Variants in BCAR3 observed in about 807,000 individuals in gnomAD.
BCAR3 encodes the protein breast cancer anti-estrogen resistance protein 3.
In BCAR3, 37 loss-of-function variants were observed where a neutral mutation model predicts 80.1. The observed-to-expected ratio is 0.46, with a 90% CI of 0.36 to 0.61. The LOEUF is 0.61. Among genes scored for constraint, BCAR3 ranks in the 20% least tolerant of loss-of-function variants. The probability of loss-of-function intolerance (pLI) is 0.00; values close to 1 mark genes in which losing one functional copy is unlikely to be tolerated. For synonymous variants in BCAR3, 389 were observed against 418.9 expected (o/e 0.93, Z 0.87); for missense variants, 978 against 1,068.2 (o/e 0.92, Z 1.18).
chr1:93,841,152 C>G (rs1041254267), intron 2 of BCAR3, among the ~76,000 whole-genome samples: 11 of 152,304 alleles, frequency 7.2e-5, no homozygotes, highest in African/African-American at 2.6e-4. Context: ...CTGCTCAACC[C>G]CAGGCTCCTT....
intron 2 of BCAR3, among the ~76,000 whole-genome samples, chr1:93,672,419 T>A (rs1252839627): frequency 6.6e-6 from 1 of 152,042 alleles, no homozygotes; most frequent in African/African-American, 2.4e-5. Flanking sequence ...ACTGTCTGTG[T>A]CTAGTACATG....
chr1:93,688,764 G>A (rs979166289), intron 3 of BCAR3, among the ~76,000 whole-genome samples: 37 of 141,888 alleles, frequency 2.6e-4, no homozygotes, highest in African/African-American at 1.0e-3. Flanking sequence ...CCTGGCTAAG[G>A]TTTTTTTGTT....
At chr1:93,657,020 G>C (rs1328784118) in intron 2 of BCAR3, among the ~76,000 whole-genome samples, 1 of 152,128 alleles carries the variant, frequency 6.6e-6, no homozygotes, top group East Asian at 1.9e-4. Flanking sequence ...GCATTCTGTT[G>C]AGCAAGTTTT....
At chr1:93,834,455 C>G (rs1654691242) in intron 2 of BCAR3, among the ~76,000 whole-genome samples, 1 of 152,108 alleles carries the variant, frequency 6.6e-6, no homozygotes. Context: ...AAAAACAGCC[C>G]TAAAAGCTGC....
At chr1:93,708,876 T>C (rs1299940035) in intron 2 of BCAR3, among the ~76,000 whole-genome samples, 1 of 152,190 alleles carries the variant, frequency 6.6e-6, no homozygotes, top group East Asian at 1.9e-4. Context: ...TGGCAGGCTG[T>C]TTTATTTTTT....
At chr1:93,767,168 G>A (rs1374937156) in intron 2 of BCAR3, among the ~76,000 whole-genome samples, 1 of 150,418 alleles carries the variant, frequency 6.6e-6, no homozygotes, top group Non-Finnish European at 1.5e-5. Context: ...TATCCAGGCA[G>A]GGTGGGAACT....
At chr1:93,583,919 G>A (rs1459339233) in intron 6 of BCAR3, 99 bp downstream of exon 6, 1 of 1,193,838 alleles carries the variant, frequency 8.4e-7, no homozygotes, top group Non-Finnish European at 1.2e-6. Flanking sequence ...CTGAGGCCTT[G>A]TGTCGTTTTC....
At chr1:93,707,750 C>A (rs939386078) in intron 2 of BCAR3, among the ~76,000 whole-genome samples, 3 of 152,050 alleles carry the variant, frequency 2.0e-5, no homozygotes. Context: ...GGTCCCCAAG[C>A]CTGGATCATT....
rs199835458 is a variant in BCAR3 at position 93,674,937 on chromosome 1, C to T, written c.-7G>A. The T allele has an allele frequency of 3.9e-6, 6 of 1,542,396 alleles. No individual in the cohort carries two copies. The highest frequency in any genetic ancestry group is 4.3e-6 in the Non-Finnish European group (5 of 1,151,352). On this transcript the variant is annotated 5_prime_UTR_variant, in exon 2 of 12. Coordinates refer to ENST00000260502, the MANE Select transcript of BCAR3 (RefSeq NM_003567.4). ...CAAATTTTCCTGCAGCCATAATTCT[C>T]AACTCTAAGGGGGAAAGAAAAGAGT...
chr1:93,842,447 C>T (rs754741897), intron 2 of BCAR3, among the ~76,000 whole-genome samples: 2 of 152,176 alleles, frequency 1.3e-5, no homozygotes, highest in African/African-American at 4.8e-5. Flanking sequence ...CTACCTACCA[C>T]GCCTGGACTA....
At chr1:93,747,711 T>C (rs1651407201) in intron 2 of BCAR3, among the ~76,000 whole-genome samples, 1 of 151,660 alleles carries the variant, frequency 6.6e-6, no homozygotes, top group Admixed American at 6.5e-5. Flanking sequence ...CTTGTTACTT[T>C]GCTCTTTAGA....
At chr1:93,578,876 A>ATATT (rs948833030) in intron 7 of BCAR3, among the ~76,000 whole-genome samples, 55 of 152,228 alleles carry the variant, frequency 3.6e-4, no homozygotes, top group African/African-American at 1.2e-3. Flanking sequence ...GGCTTTTAAT[A>ATATT]TATTATTATC....
chr1:93,576,040 G>A lies in BCAR3; in HGVS notation c.1776C>T (p.His592=), dbSNP rs1283935752. The A allele has an allele frequency of 6.2e-7, 1 of 1,614,190 alleles. No individual in the cohort carries two copies. Among genetic ancestry groups the A allele is most frequent in the Admixed American group, 1.7e-5 (1 of 60,028 alleles). Residue 592 remains histidine (H), a synonymous_variant, in exon 8 of 12, where the codon CAC becomes CAT. Transcript: ENST00000260502. ...GLELITLPHG[H]QLRLDIIERH... ...TTTCAATTATGTCCAGGCGCAGCTG[G>A]TGTCCGTGAGGCAAGGTAATGAGTT... is the stretch of plus-strand genomic sequence containing the variant.
chr1:93,787,150 T>C (rs978853270), intron 2 of BCAR3, among the ~76,000 whole-genome samples: 5 of 152,212 alleles, frequency 3.3e-5, no homozygotes, highest in African/African-American at 7.2e-5. Context: ...AAGCAGTCCG[T>C]GTCTTGTCAG....
chr1:93,735,162 T>C (rs771518644), intron 2 of BCAR3, among the ~76,000 whole-genome samples: 3 of 152,218 alleles, frequency 2.0e-5, no homozygotes, highest in African/African-American at 2.4e-5. Context: ...TTTAGGCCCT[T>C]TGGGTTTGGT....
chr1:93,729,048 A>G (rs1395816669), intron 2 of BCAR3, among the ~76,000 whole-genome samples: 1 of 152,104 alleles, frequency 6.6e-6, no homozygotes, highest in Non-Finnish European at 1.5e-5. Context: ...ACACTAACAC[A>G]TGGTATATCT....
At chr1:93,807,597 C>T (rs557431356) in intron 2 of BCAR3, among the ~76,000 whole-genome samples, 15 of 152,244 alleles carry the variant, frequency 9.9e-5, no homozygotes, top group African/African-American at 2.6e-4. Flanking sequence ...ATGCTACTCT[C>T]GGAAGAATAG....
At chr1:93,816,013 A>G (rs1251876314) in intron 2 of BCAR3, among the ~76,000 whole-genome samples, 2 of 152,170 alleles carry the variant, frequency 1.3e-5, no homozygotes. Flanking sequence ...CAAACATATT[A>G]TTACTACTGA....
chr1:93,789,242 T>C (rs929306354), intron 2 of BCAR3, among the ~76,000 whole-genome samples: 2 of 152,146 alleles, frequency 1.3e-5, no homozygotes, highest in Admixed American at 1.3e-4. Flanking sequence ...TCCCAAAGTG[T>C]TGGGATTACA....
Sources: allele counts gnomAD v4.1 joint callset (sites outside exome capture counted in the v4.1 genomes callset), GRCh38; gene constraint gnomAD v4.1.1; transcripts MANE v1.5; gene names NCBI Gene and HGNC (gene_info 2026-07-23, HGNC 2026-07-21).